The following CSMD3 variants were observed in gnomAD, a reference collection of about 807,000 sequenced individuals.
CSMD3 encodes CUB and Sushi multiple domains 3.
CSMD3 carries 177 observed loss-of-function variants against 435.2 expected under a neutral mutation model. The observed-to-expected ratio is 0.41, with a 90% confidence interval of 0.36 to 0.46. The LOEUF is 0.46. Ranked by LOEUF, CSMD3 falls within the 20% of genes least tolerant of loss-of-function variation. The pLI, the probability that CSMD3 is intolerant of heterozygous loss-of-function variation, is 0.34. For synonymous variants in CSMD3, 1,656 were observed against 1,520.5 expected (o/e 1.09, Z -2.07); for missense variants, 4,265 against 4,504.6 (o/e 0.95, Z 1.52).
intron 22 of CSMD3, among the ~76,000 whole-genome samples, chr8:112,603,960 T>C (rs1832587396): frequency 6.6e-6 from 1 of 152,192 alleles, no homozygotes; most frequent in African/African-American, 2.4e-5. Context: ...AAATCTTCAT[T>C]ATGTAAATCT....
intron 1 of CSMD3, among the ~76,000 whole-genome samples, chr8:113,435,168 T>C (rs1022233555): frequency 6.6e-6 from 1 of 152,150 alleles, no homozygotes; most frequent in African/African-American, 2.4e-5. Context: ...GCTTTGTACA[T>C]TTGGCAGTGT....
chr8:113,022,846 C>A (rs2086731224), intron 5 of CSMD3, among the ~76,000 whole-genome samples: 2 of 151,808 alleles, frequency 1.3e-5, no homozygotes, highest in African/African-American at 4.8e-5. Flanking sequence ...GAAATACTGA[C>A]AATAATACAG....
chr8:113,252,077 A>G lies in CSMD3; in HGVS notation c.514+26515T>C, dbSNP rs868596968. Among the ~76,000 whole-genome samples the G allele has an allele frequency of 4.6e-5, 7 of 152,150 alleles. No homozygotes were observed. The South Asian group carries it at 1.5e-3, about 32-fold the overall frequency. On this transcript the variant is annotated intron_variant, in intron 3 of 70. Coordinates refer to ENST00000297405, the MANE Select transcript of CSMD3 (RefSeq NM_198123.2). Reference sequence around the variant, plus strand: ...TCATACTGCTGCTATTATACTTGAGAGAAAAATTTCCTTAAAAAATCTGTT... The same window carrying G: ...TCATACTGCTGCTATTATACTTGAGGGAAAAATTTCCTTAAAAAATCTGTT...
At chr8:112,694,330 A>G (rs541244144) in intron 13 of CSMD3, among the ~76,000 whole-genome samples, 3 of 152,288 alleles carry the variant, frequency 2.0e-5, no homozygotes, top group Non-Finnish European at 4.4e-5. Flanking sequence ...AAGAAAAAAC[A>G]ATGATAACAA....
At position 113,098,669 on chromosome 8, in the gene CSMD3, C is replaced by T; in HGVS notation, c.917+87G>A. The T allele has an allele frequency of 5.6e-6, 5 of 894,732 alleles. No individual in the cohort carries two copies. The South Asian group carries it at 6.9e-5, about 12-fold the overall frequency. 55.4% of individuals were successfully genotyped at this position (894,732 alleles called of 1,614,324 possible). A position where few individuals can be genotyped will look rare whatever the true frequency, so the allele number is the denominator to read the frequency against. On this transcript the variant is annotated intron_variant, in intron 5 of 70. Coordinates refer to ENST00000297405, the MANE Select transcript of CSMD3 (RefSeq NM_198123.2). The stretch of plus-strand genomic sequence containing the variant: ...CTGTAAGATCTTTTAAATATCCAAA[C>T]CTGTAAAAGTCCACATTCAGTTGTT...
At chr8:113,216,618 CA>C (rs2092909399) in intron 3 of CSMD3, among the ~76,000 whole-genome samples, 1 of 151,840 alleles carries the variant, frequency 6.6e-6, no homozygotes, top group East Asian at 1.9e-4. Flanking sequence ...CAATATAAGT[CA>C]AGGTTTTCAG....
chr8:113,222,288 T>G (rs931348380), intron 3 of CSMD3, among the ~76,000 whole-genome samples: 1 of 151,024 alleles, frequency 6.6e-6, no homozygotes, highest in Admixed American at 6.6e-5. Flanking sequence ...TATTCACTAA[T>G]CAGTAAAAAC....
chr8:112,895,669 C>T (rs769654406), intron 10 of CSMD3, among the ~76,000 whole-genome samples: 29 of 150,826 alleles, frequency 1.9e-4, no homozygotes, highest in Non-Finnish European at 3.6e-4. Context: ...AGATTTTTCC[C>T]GAAATATTTC....
rs1829366167 is a variant in CSMD3 at position 112,380,443 on chromosome 8, G to A, written c.6045C>T (p.Pro2015=). The A allele has an allele frequency of 6.4e-7, 1 of 1,560,992 alleles. No individual in the cohort carries two copies. Among genetic ancestry groups the A allele is most frequent in the Non-Finnish European group, 8.8e-7 (1 of 1,132,316 alleles). ...TATTAGACGTACTATTCAAAAGATG[G>A]GGTATTGTTGTTCCTGAAATGATAT... ...RLGSYSGTTI[P]HLLNSTSNNL... Residue 2015 remains proline, a synonymous_variant, in exon 38 of 71, where the codon CCC becomes CCT. Transcript: ENST00000297405.
chr8:112,343,814 T>A (rs1825405524), intron 41 of CSMD3, among the ~76,000 whole-genome samples: 1 of 151,460 alleles, frequency 6.6e-6, no homozygotes, highest in Non-Finnish European at 1.5e-5. Flanking sequence ...GTGTGGCTAG[T>A]TTTTTTTTAT....
rs1554647587 is a variant in CSMD3 at position 112,343,001 on chromosome 8, T to TATTTATATA, written c.6443-1316_6443-1315insTATATAAAT. 2.7e-5 allele frequency among the ~76,000 whole-genome samples: 3 copies of TATTTATATA among 109,678 alleles called. No homozygotes were observed. In the Admixed American group the frequency reaches 2.9e-4, roughly 11 times the overall value. The allele number at this position is 109,678 out of a possible 152,430, so 72.0% of individuals were successfully genotyped here. On this transcript the variant is annotated intron_variant, in intron 41 of 70. Coordinates refer to ENST00000297405, the MANE Select transcript of CSMD3 (RefSeq NM_198123.2). The stretch of plus-strand genomic sequence containing the variant: ...TATATATATATTTATATATATATAT[T>TATTTATATA]TATATATATATATATTTATATATAT...
rs190499881 is a variant in CSMD3 at position 113,092,318 on chromosome 8, T to C, written c.917+6438A>G. Among the ~76,000 whole-genome samples the C allele has an allele frequency of 5.9e-3, 899 of 152,184 alleles. 4 individuals are homozygous for C. Among genetic ancestry groups the C allele is most frequent in the African/African-American group, 0.019 (800 of 41,564 alleles). On this transcript the variant is annotated intron_variant, in intron 5 of 70. Coordinates refer to ENST00000297405, the MANE Select transcript of CSMD3 (RefSeq NM_198123.2). The stretch of plus-strand genomic sequence containing the variant: ...AGACATAAACATAAACACACACATA[T>C]TTCTATAATATGTAAAATACTAGTG...
chr8:113,151,281 T>C (rs2131784718), intron 4 of CSMD3, among the ~76,000 whole-genome samples: 1 of 152,118 alleles, frequency 6.6e-6, no homozygotes, highest in East Asian at 1.9e-4. Context: ...AATCTTTGTA[T>C]TGAATGTTAG....
At chr8:113,170,778 T>G (rs1043126740) in intron 4 of CSMD3, among the ~76,000 whole-genome samples, 7 of 152,042 alleles carry the variant, frequency 4.6e-5, no homozygotes, top group African/African-American at 1.7e-4. Context: ...TACATACAAA[T>G]CAGTAAATTT....
chr8:112,230,815 A>G (rs1214223483), intron 69 of CSMD3, among the ~76,000 whole-genome samples: 1 of 152,106 alleles, frequency 6.6e-6, no homozygotes, highest in African/African-American at 2.4e-5. Flanking sequence ...TCTGTCTCAA[A>G]AAAGAAAAAA....
intron 13 of CSMD3, among the ~76,000 whole-genome samples, chr8:112,739,336 T>G (rs2077253048): frequency 6.6e-6 from 1 of 151,796 alleles, no homozygotes; most frequent in African/African-American, 2.4e-5. Flanking sequence ...TGACTTCAAA[T>G]CTGCTTTTCC....
intron 1 of CSMD3, among the ~76,000 whole-genome samples, chr8:113,346,334 T>A (rs1250422281): frequency 6.6e-6 from 1 of 152,060 alleles, no homozygotes; most frequent in Non-Finnish European, 1.5e-5. Context: ...TGATAAGAAA[T>A]GCAAACCTAA....
intron 5 of CSMD3, among the ~76,000 whole-genome samples, chr8:113,025,377 C>T (rs942778659): frequency 1.1e-4 from 17 of 152,104 alleles, no homozygotes; most frequent in East Asian, 3.9e-4. Flanking sequence ...AGCTGTAATT[C>T]GCATCAGCAA....
chr8:112,302,229 C>G (rs74915318), intron 52 of CSMD3, among the ~76,000 whole-genome samples: 1,103 of 107,450 alleles, frequency 0.01, 18 homozygotes, highest in African/African-American at 0.033. Flanking sequence ...TTTTTTTTTG[C>G]ATTTTTCGCT....
Sources: gnomAD v4.1 joint callset for allele counts (sites outside exome capture counted in the v4.1 genomes callset) on GRCh38, gnomAD v4.1.1 for gene constraint, MANE v1.5 for transcripts, NCBI Gene and HGNC (gene_info 2026-07-23, HGNC 2026-07-21) for gene names.